NRG1: variants seen among roughly 807,000 people sequenced by gnomAD.
The protein encoded by NRG1 is pro-neuregulin-1, membrane-bound isoform.
A neutral mutation model predicts 63.8 loss-of-function variants in NRG1; 18 were observed. The ratio of observed to expected loss-of-function variants is 0.28; its 90% CI spans 0.19 to 0.42. The LOEUF (loss-of-function observed/expected upper bound fraction) is 0.42. Ranked by LOEUF, NRG1 falls within the 10% of genes least tolerant of loss-of-function variation. The pLI is 1.00. For synonymous variants in NRG1, 302 were observed against 301.3 expected (o/e 1.00, Z -0.02); for missense variants, 762 against 814.7 (o/e 0.94, Z 0.79).
In NRG1 at chr8:31,956,952, T is replaced by G. The variant is rs191625943; in HGVS notation, c.37+317521T>G. Among the ~76,000 whole-genome samples, 149 of 152,314 alleles carry G rather than the reference T, an allele frequency of 9.8e-4. 1 individual carries two copies. Among genetic ancestry groups the G allele is most frequent in the African/African-American group, 3.4e-3 (142 of 41,564 alleles). On this transcript the variant is annotated intron_variant, in intron 1 of 10. Coordinates refer to the NRG1 transcript ENST00000519301. The stretch of plus-strand genomic sequence containing the variant: ...TTGGAGAATAGATGTGAATTTTCAT[T>G]ATTCATTCCCTTCTGAGAATTGTCC...
chr8:32,752,960 C>G (rs1829019683), intron 7 of NRG1, among the ~76,000 whole-genome samples: 1 of 152,088 alleles, frequency 6.6e-6, no homozygotes, highest in Non-Finnish European at 1.5e-5. Flanking sequence ...CCACTGTATC[C>G]TAGAAATTAA....
intron 1 of NRG1, among the ~76,000 whole-genome samples, chr8:32,276,702 C>T (rs1404022938): frequency 1.3e-5 from 2 of 152,118 alleles, no homozygotes; most frequent in Admixed American, 6.5e-5. Context: ...AAGGTTCTCC[C>T]TGTGTTGATG....
At chr8:31,905,889 AT>A (rs1832482258) in intron 1 of NRG1, among the ~76,000 whole-genome samples, 1 of 152,204 alleles carries the variant, frequency 6.6e-6, no homozygotes, top group South Asian at 2.1e-4. Flanking sequence ...ATCTTGGAAA[AT>A]TTGCAGAGAA....
chr8:32,205,668 C>T (rs373905716), intron 1 of NRG1, among the ~76,000 whole-genome samples: 6 of 151,984 alleles, frequency 3.9e-5, no homozygotes, highest in African/African-American at 1.2e-4. Flanking sequence ...TTTACTTTTC[C>T]TGAGGGAGGT....
intron 1 of NRG1, among the ~76,000 whole-genome samples, chr8:32,466,620 CT>C (rs1823099788): frequency 6.6e-6 from 1 of 152,120 alleles, no homozygotes; most frequent in Non-Finnish European, 1.5e-5. Context: ...GTGATTATGT[CT>C]AAAAGCCTGC....
chr8:32,212,281 T>TA (rs1844777331), intron 1 of NRG1, among the ~76,000 whole-genome samples: 1 of 152,126 alleles, frequency 6.6e-6, no homozygotes, highest in Admixed American at 6.6e-5. Context: ...ATAAAATACT[T>TA]AAAATAGCGT....
At chr8:32,023,142 C>T (rs1277435122) in intron 1 of NRG1, among the ~76,000 whole-genome samples, 1 of 152,186 alleles carries the variant, frequency 6.6e-6, no homozygotes, top group East Asian at 1.9e-4. Flanking sequence ...ATCATTAGAG[C>T]TTGCATTTGG....
chr8:31,868,146 TTACACA>T (rs61420888), intron 1 of NRG1, among the ~76,000 whole-genome samples: 27,715 of 115,726 alleles, frequency 0.24, 3,298 homozygotes, highest in East Asian at 0.52. Flanking sequence ...CACATACATC[TTACACA>T]CACACACACA....
intron 1 of NRG1, among the ~76,000 whole-genome samples, chr8:32,098,137 G>A (rs62498888): frequency 3.0e-4 from 20 of 66,094 alleles, no homozygotes; most frequent in Non-Finnish European, 7.1e-4. Context: ...AAGAAACCAA[G>A]AGGGCCTGAT....
rs140444659 is a variant in NRG1, at chr8:32,555,659, G to A, written c.100+6833G>A. Among the ~76,000 whole-genome samples, 874 of 152,252 alleles carry A rather than the reference G, an allele frequency of 5.7e-3. 8 individuals are homozygous for A. Among genetic ancestry groups the A allele is most frequent in the Middle Eastern group, 0.037 (11 of 294 alleles). On this transcript the variant is annotated intron_variant, in intron 1 of 11. Coordinates refer to ENST00000356819, the Ensembl canonical transcript of NRG1. Reference sequence around the variant, plus strand: ...GCTGATTTTTTGTATTTCTAGTAGAGACGGGGTTTCACCGTGTTAGCCAGG... The same window carrying A: ...GCTGATTTTTTGTATTTCTAGTAGAAACGGGGTTTCACCGTGTTAGCCAGG...
chr8:32,763,777 G>C (rs201448418), exon 12 of NRG1: 2 of 1,567,950 alleles, frequency 1.3e-6, no homozygotes, highest in Non-Finnish European at 1.7e-6. Context: ...ACCCCGGCTC[G>C]TATGTCACCT....
At chr8:32,112,539 C>T (rs4144739) in intron 1 of NRG1, among the ~76,000 whole-genome samples, 65,486 of 152,068 alleles carry the variant, frequency 0.43, 15,308 homozygotes, top group Admixed American at 0.52. Context: ...TAAGAGAAAA[C>T]GAGTGTTTCA....
At chr8:32,314,603 T>C (rs1857176071) in intron 1 of NRG1, among the ~76,000 whole-genome samples, 1 of 152,224 alleles carries the variant, frequency 6.6e-6, no homozygotes, top group Admixed American at 6.5e-5. Flanking sequence ...ATTCATCTTG[T>C]TGGTCTTTCC....
chr8:32,748,630 T>C, intron 7 of NRG1: 1 of 444,092 alleles, frequency 2.3e-6, no homozygotes, highest in Non-Finnish European at 4.5e-6. Context: ...TTGAGTCCAC[T>C]TCCCTGGGCA....
intron 1 of NRG1, among the ~76,000 whole-genome samples, chr8:31,933,285 G>A (rs573599698): frequency 3.3e-4 from 44 of 134,486 alleles, no homozygotes; most frequent in East Asian, 1.8e-3. Flanking sequence ...TATTATCCTC[G>A]TTTTTTTTTT....
chr8:32,482,848 G>T (rs1825473169), intron 1 of NRG1, among the ~76,000 whole-genome samples: 1 of 152,200 alleles, frequency 6.6e-6, no homozygotes, highest in Admixed American at 6.5e-5. Flanking sequence ...TGAACTGAAG[G>T]TCCAGAGGCA....
At chr8:31,889,050 A>G (rs185578212) in intron 1 of NRG1, among the ~76,000 whole-genome samples, 11 of 152,250 alleles carry the variant, frequency 7.2e-5, no homozygotes, top group African/African-American at 2.4e-4. Context: ...GAAATATTTA[A>G]TGGTTGAAAT....
At chr8:32,450,920 C>G (rs1418403849) in intron 1 of NRG1, among the ~76,000 whole-genome samples, 1 of 152,064 alleles carries the variant, frequency 6.6e-6, no homozygotes, top group East Asian at 1.9e-4. Flanking sequence ...AGAGAGGAAG[C>G]TTCCCAGAAC....
Position 32,115,150 on chromosome 8 carries a change from C to A in NRG1, c.37+475719C>A, listed in dbSNP as rs568589653. Among the ~76,000 whole-genome samples the A allele has an allele frequency of 2.3e-3, 353 of 152,074 alleles. 3 individuals are homozygous for A. Among genetic ancestry groups the A allele is most frequent in the African/African-American group, 8.1e-3 (336 of 41,486 alleles). ...GGTTAAAGAGATTCTCCTGCCTCAG[C>A]CTCCCAAGTAGCTGGAATTACAGGC... On this transcript the variant is annotated intron_variant, in intron 1 of 10. Transcript: ENST00000519301.
Sources: gnomAD v4.1 joint callset for allele counts (sites outside exome capture counted in the v4.1 genomes callset) on GRCh38, gnomAD v4.1.1 for gene constraint, MANE v1.5 for transcripts, NCBI Gene and HGNC (gene_info 2026-07-23, HGNC 2026-07-21) for gene names.